The following EAF2 variants were observed in gnomAD, a reference collection of about 807,000 sequenced individuals.
EAF2 encodes ELL associated factor 2, also known as ELL-associated factor 2.
EAF2 carries 29 observed loss-of-function variants against 29.4 expected under a neutral mutation model. The ratio of observed to expected loss-of-function variants is 0.99; its 90% CI spans 0.73 to 1.35. The LOEUF is 1.35. Among genes scored for constraint, EAF2 ranks in the 40% most tolerant of loss-of-function variants. The probability of loss-of-function intolerance (pLI) is 0.00; values close to 1 mark genes in which losing one functional copy is unlikely to be tolerated. For missense variants in EAF2, 292 were observed against 312.0 expected (o/e 0.94, Z 0.48); for synonymous variants, 103 against 102.5 (o/e 1.00, Z -0.03).
At chr3:121,857,659 G>A (rs984571200) in intron 4 of EAF2, among the ~76,000 whole-genome samples, 1 of 152,014 alleles carries the variant, frequency 6.6e-6, no homozygotes, top group African/African-American at 2.4e-5. Context: ...ATCCATATAA[G>A]AGAATTTGTA....
intron 2 of EAF2, among the ~76,000 whole-genome samples, chr3:121,852,887 G>C (rs1049590420): frequency 6.6e-6 from 1 of 152,006 alleles, no homozygotes; most frequent in African/African-American, 2.4e-5. Flanking sequence ...CATATATGTG[G>C]GATAAAGCAA....
chr3:121,878,051 G>C (rs1459897555), intron 5 of EAF2, among the ~76,000 whole-genome samples: 1 of 152,054 alleles, frequency 6.6e-6, no homozygotes, highest in Non-Finnish European at 1.5e-5. Context: ...ACATCTTAAA[G>C]CAGAGAAAGA....
At chr3:121,879,620 C>CTTTT (rs3047611) in intron 5 of EAF2, among the ~76,000 whole-genome samples, 3 of 144,868 alleles carry the variant, frequency 2.1e-5, no homozygotes, top group Admixed American at 6.9e-5. Flanking sequence ...TTCTTTCTTT[C>CTTTT]TTTTTTTTTT....
At chr3:121,885,875 G>A (rs1035035930) in intron 5 of EAF2, among the ~76,000 whole-genome samples, 1 of 151,894 alleles carries the variant, frequency 6.6e-6, no homozygotes, top group African/African-American at 2.4e-5. Flanking sequence ...CTCCCCCACT[G>A]GACTGTAAGC....
At chr3:121,872,977 C>T in intron 5 of EAF2, 189 bp downstream of exon 5, 2 of 875,010 alleles carry the variant, frequency 2.3e-6, no homozygotes, top group South Asian at 1.5e-5. Context: ...GGTTTTTCTC[C>T]CATCTCTCTA....
chr3:121,865,852 C>G (rs937567168), intron 4 of EAF2, among the ~76,000 whole-genome samples: 1 of 152,004 alleles, frequency 6.6e-6, no homozygotes, highest in Non-Finnish European at 1.5e-5. Context: ...ACTCTATGGC[C>G]AGAAGGTCCC....
At chr3:121,873,035 C>T (rs1409272008) in intron 5 of EAF2, 2 of 725,378 alleles carry the variant, frequency 2.8e-6, no homozygotes, top group Admixed American at 4.0e-5. Context: ...ATCCTCTGCT[C>T]AGTCATTAAA....
chr3:121,863,768 T>G (rs1708875136), intron 4 of EAF2, among the ~76,000 whole-genome samples: 1 of 152,056 alleles, frequency 6.6e-6, no homozygotes, highest in South Asian at 2.1e-4. Flanking sequence ...TCACCCATCT[T>G]CTGCGTGGCT....
intron 5 of EAF2, among the ~76,000 whole-genome samples, chr3:121,878,608 G>A (rs1709142608): frequency 6.6e-6 from 1 of 152,038 alleles, no homozygotes. Flanking sequence ...CTATCTCCAT[G>A]AGATAGACTT....
intron 2 of EAF2, among the ~76,000 whole-genome samples, chr3:121,845,862 T>C (rs914679591): frequency 6.6e-6 from 1 of 152,196 alleles, no homozygotes; most frequent in Non-Finnish European, 1.5e-5. Context: ...TACCAAATAC[T>C]ATTCGCATAC....
Position 121,854,699 on chromosome 3 carries a change from C to G in EAF2, c.214C>G (p.Pro72Ala), listed in dbSNP as rs1368777690. 1 of 1,549,400 alleles carries G rather than the reference C, an allele frequency of 6.5e-7. No individual in the cohort carries two copies. Among genetic ancestry groups the G allele is most frequent in the Non-Finnish European group, 8.6e-7 (1 of 1,160,718 alleles). ...TLPNIEGSTP[P>A]VTVFKGSKKP... Reference sequence around the variant, plus strand: ...ACTTTTTAAACAGGGTTCAACTCCACCAGTAACTGTTTTCAAAGGTTCAAA... The same window carrying G: ...ACTTTTTAAACAGGGTTCAACTCCAGCAGTAACTGTTTTCAAAGGTTCAAA... Residue 72 changes from proline to alanine, a missense_variant, in exon 3 of 6, where the codon CCA becomes GCA. By Grantham distance (27) the Pro-to-Ala change is conservative. Transcript: ENST00000273668.
At chr3:121,841,842 C>T (rs1348362865) in intron 1 of EAF2, among the ~76,000 whole-genome samples, 5 of 151,890 alleles carry the variant, frequency 3.3e-5, no homozygotes, top group Admixed American at 2.0e-4. Flanking sequence ...ACCGTCTCTA[C>T]TGAAAATACA....
At chr3:121,879,938 T>C (rs889784767) in intron 5 of EAF2, among the ~76,000 whole-genome samples, 3 of 152,180 alleles carry the variant, frequency 2.0e-5, no homozygotes, top group Non-Finnish European at 4.4e-5. Flanking sequence ...GGTATTTTGA[T>C]AGGTATTGCA....
chr3:121,842,845 C>T (rs760699366), intron 1 of EAF2, among the ~76,000 whole-genome samples: 3 of 152,120 alleles, frequency 2.0e-5, no homozygotes, highest in Non-Finnish European at 4.4e-5. Context: ...CTTAATTATA[C>T]CTTTCACTTT....
At chr3:121,861,335 T>A (rs984927770) in intron 4 of EAF2, among the ~76,000 whole-genome samples, 1 of 152,220 alleles carries the variant, frequency 6.6e-6, no homozygotes, top group African/African-American at 2.4e-5. Flanking sequence ...AAGGACTTGC[T>A]TTATGAATCT....
intron 5 of EAF2, among the ~76,000 whole-genome samples, chr3:121,879,899 T>G (rs1559831191): frequency 6.6e-6 from 1 of 151,866 alleles, no homozygotes; most frequent in Non-Finnish European, 1.5e-5. Flanking sequence ...GAAGCTTATG[T>G]TTTTTTTGTA....
intron 2 of EAF2, among the ~76,000 whole-genome samples, chr3:121,844,994 G>A (rs1216897289): frequency 1.3e-5 from 2 of 152,162 alleles, no homozygotes. Context: ...CATAAAGCAA[G>A]CAATATTTCA....
chr3:121,863,009 C>A (rs1185460782), intron 4 of EAF2, among the ~76,000 whole-genome samples: 1 of 152,206 alleles, frequency 6.6e-6, no homozygotes, highest in African/African-American at 2.4e-5. Flanking sequence ...TGCAGAGTAG[C>A]AAATATTGCA....
At chr3:121,835,494 T>G in intron 1 of EAF2, 103 bp downstream of exon 1, 1 of 1,024,234 alleles carries the variant, frequency 9.8e-7, no homozygotes, top group Non-Finnish European at 1.5e-6. Context: ...CTTACACTGT[T>G]GGAGACTACG....
Sources: gnomAD v4.1 joint callset for allele counts (sites outside exome capture counted in the v4.1 genomes callset) on GRCh38, gnomAD v4.1.1 for gene constraint, MANE v1.5 for transcripts, NCBI Gene and HGNC (gene_info 2026-07-23, HGNC 2026-07-21) for gene names.